Variants in LRP1B observed in about 807,000 individuals in gnomAD.
LRP1B encodes LDL receptor related protein 1B, also known as low-density lipoprotein receptor-related protein 1B.
LRP1B carries 217 observed loss-of-function variants against 556.6 expected under a neutral mutation model. That is an observed-to-expected ratio of 0.39 (90% CI 0.35 to 0.44). The LOEUF (loss-of-function observed/expected upper bound fraction) is 0.44, where lower values mean the gene tolerates loss of function less well. LRP1B is among the 20% of genes least tolerant of loss of function. The pLI is 1.00. For synonymous variants in LRP1B, 2,047 were observed against 1,865.8 expected, an observed-to-expected ratio of 1.10 and a Z score of -2.50; for missense variants, 5,053 against 5,620.8, an observed-to-expected ratio of 0.90 and a Z score of 3.23.
intron 2 of LRP1B, among the ~76,000 whole-genome samples, chr2:141,661,796 A>C (rs1209546615): frequency 2.0e-5 from 3 of 152,214 alleles, no homozygotes; most frequent in Non-Finnish European, 2.9e-5. Flanking sequence ...ATCTAGCAAG[A>C]CAGGCCAACA....
At chr2:141,638,322 G>A (rs1290635604) in intron 2 of LRP1B, among the ~76,000 whole-genome samples, 1 of 152,126 alleles carries the variant, frequency 6.6e-6, no homozygotes, top group African/African-American at 2.4e-5. Context: ...ATGGGAAGCC[G>A]ATTCCACCAT....
At chr2:140,773,553 G>T (rs55695452) in intron 33 of LRP1B, among the ~76,000 whole-genome samples, 3 of 151,624 alleles carry the variant, frequency 2.0e-5, no homozygotes, top group African/African-American at 7.3e-5. Flanking sequence ...GGACCTTCTG[G>T]GTCTGGGGCT....
At position 141,314,788 on chromosome 2, in the gene LRP1B, C is replaced by T. The variant is rs1686937517; in HGVS notation, c.344-60147G>A. 3.4e-5 allele frequency among the ~76,000 whole-genome samples: 4 copies of T among 118,066 alleles called. No homozygotes were observed. In the Admixed American group the frequency reaches 3.7e-4, roughly 11 times the overall value. 77.5% of individuals were successfully genotyped at this position (118,066 alleles called of 152,430 possible). ...CCTGGGCGACAGAGTGAGACCCCGT[C>T]TCAAAAGAAAAAAAAAAAAATTTAT... On this transcript the variant is annotated intron_variant, in intron 3 of 90. Coordinates refer to ENST00000389484, the MANE Select transcript of LRP1B (RefSeq NM_018557.3).
At chr2:140,687,415 T>C (rs555520072) in intron 41 of LRP1B, among the ~76,000 whole-genome samples, 5 of 152,302 alleles carry the variant, frequency 3.3e-5, no homozygotes, top group African/African-American at 1.2e-4. Flanking sequence ...CTAAGCCACA[T>C]AGTATGCTAT....
chr2:142,063,909 A>G (rs958222982), intron 1 of LRP1B, among the ~76,000 whole-genome samples: 1 of 151,600 alleles, frequency 6.6e-6, no homozygotes, highest in Admixed American at 6.6e-5. Flanking sequence ...GTACACATAT[A>G]CATCAATACC....
At chr2:141,843,864 G>A (rs901682163) in intron 1 of LRP1B, among the ~76,000 whole-genome samples, 3 of 152,174 alleles carry the variant, frequency 2.0e-5, no homozygotes, top group African/African-American at 7.2e-5. Context: ...GAGACCACAG[G>A]CAATGGTGTA....
In LRP1B at chr2:141,971,814, T is replaced by C. The variant is rs578143472; in HGVS notation, c.82+158834A>G. Reference sequence around the variant, plus strand: ...TTCCCTTCTAAAATTTTTTTATTTATTGAACCTGGCAGAGTTCTTTTGAAA... The same window carrying C: ...TTCCCTTCTAAAATTTTTTTATTTACTGAACCTGGCAGAGTTCTTTTGAAA... On this transcript the variant is annotated intron_variant, in intron 1 of 90. Transcript: ENST00000389484. 2.0e-5 allele frequency among the ~76,000 whole-genome samples: 3 copies of C among 151,680 alleles called. No individual in the cohort carries two copies. The South Asian group carries it at 6.2e-4, about 31-fold the overall frequency.
chr2:140,848,348 C>T (rs1020304838), intron 29 of LRP1B, among the ~76,000 whole-genome samples: 8 of 152,160 alleles, frequency 5.3e-5, no homozygotes, highest in African/African-American at 1.7e-4. Flanking sequence ...TCTTGTTTTT[C>T]AGCAAGTTCG....
intron 2 of LRP1B, among the ~76,000 whole-genome samples, chr2:141,526,459 TATTA>T (rs572784318): frequency 1.0e-3 from 154 of 152,220 alleles, no homozygotes; most frequent in African/African-American, 3.5e-3. Flanking sequence ...GCAACATTAA[TATTA>T]ATTACTCTTT....
At chr2:141,637,269 G>C (rs1417919480) in intron 2 of LRP1B, among the ~76,000 whole-genome samples, 1 of 152,102 alleles carries the variant, frequency 6.6e-6, no homozygotes, top group African/African-American at 2.4e-5. Context: ...TAAAGTAACC[G>C]AGGAATATCA....
chr2:141,543,249 C>T (rs1685331099), intron 2 of LRP1B, among the ~76,000 whole-genome samples: 1 of 151,898 alleles, frequency 6.6e-6, no homozygotes, highest in Non-Finnish European at 1.5e-5. Flanking sequence ...TGGCCCAGGC[C>T]TGTAGTCCCA....
At chr2:141,442,515 G>T (rs4311008) in intron 3 of LRP1B, among the ~76,000 whole-genome samples, 21,981 of 150,730 alleles carry the variant, frequency 0.15, 1,803 homozygotes, top group South Asian at 0.27. Flanking sequence ...GTGCCATGGT[G>T]GTTTGCTGCA....
chr2:141,061,794 C>G (rs1022114320), intron 8 of LRP1B, among the ~76,000 whole-genome samples: 2 of 151,514 alleles, frequency 1.3e-5, no homozygotes, highest in African/African-American at 4.8e-5. Flanking sequence ...GCATTTTTGT[C>G]TTTGTTGTTT....
chr2:141,327,057 C>T (rs1040688107), intron 3 of LRP1B, among the ~76,000 whole-genome samples: 3 of 152,040 alleles, frequency 2.0e-5, no homozygotes, highest in Admixed American at 6.6e-5. Context: ...ATGAAATTCA[C>T]AGGGCTTAGT....
intron 27 of LRP1B, among the ~76,000 whole-genome samples, chr2:140,855,493 G>GTAAAAAAAAAAAAAAAA (rs570169727): frequency 3.2e-4 from 32 of 99,402 alleles, no homozygotes; most frequent in South Asian, 1.9e-3. Flanking sequence ...TCTCTACTGG[G>GTAAAAAAAAAAAAAAAA]AAAAAAAAAA....
chr2:142,005,887 A>G (rs1352633621), intron 1 of LRP1B, among the ~76,000 whole-genome samples: 4 of 138,746 alleles, frequency 2.9e-5, no homozygotes, highest in Non-Finnish European at 6.1e-5. Context: ...TCCTCTCATG[A>G]AAAAAAAAAA....
chr2:141,764,053 T>G (rs1234792389), intron 2 of LRP1B, among the ~76,000 whole-genome samples: 1 of 152,194 alleles, frequency 6.6e-6, no homozygotes, highest in East Asian at 1.9e-4. Flanking sequence ...TGTTCTGGAC[T>G]GAATATGTCA....
intron 2 of LRP1B, among the ~76,000 whole-genome samples, chr2:141,514,893 T>A (rs925121786): frequency 5.9e-5 from 9 of 152,204 alleles, no homozygotes; most frequent in Non-Finnish European, 1.2e-4. Context: ...TTCTACTGAA[T>A]GAATATTGCT....
At chr2:141,090,492 A>G (rs1055932313) in intron 7 of LRP1B, among the ~76,000 whole-genome samples, 6 of 152,254 alleles carry the variant, frequency 3.9e-5, no homozygotes, top group Admixed American at 2.0e-4. Flanking sequence ...CCGTGACAAG[A>G]TGCTAGCTTT....
Sources: gnomAD v4.1 joint callset for allele counts (sites outside exome capture counted in the v4.1 genomes callset) on GRCh38, gnomAD v4.1.1 for gene constraint, MANE v1.5 for transcripts, NCBI Gene and HGNC (gene_info 2026-07-23, HGNC 2026-07-21) for gene names.